LINGO1: variants seen among roughly 807,000 people sequenced by gnomAD.
LINGO1 encodes the protein leucine-rich repeat and immunoglobulin-like domain-containing nogo receptor-interacting protein 1.
A neutral mutation model predicts 37.3 loss-of-function variants in LINGO1; 11 were observed. That is an observed-to-expected ratio of 0.29 (90% CI 0.19 to 0.49). The LOEUF (loss-of-function observed/expected upper bound fraction) is 0.49. Among genes scored for constraint, LINGO1 ranks in the 20% least tolerant of loss-of-function variants. LINGO1 has a pLI of 0.99. For synonymous variants in LINGO1, 387 were observed against 403.0 expected, an observed-to-expected ratio of 0.96 and a Z score of 0.48; for missense variants, 585 against 878.2, an observed-to-expected ratio of 0.67 and a Z score of 4.22.
chr15:77,704,227 T>C (rs370136805), intron 2 of LINGO1, among the ~76,000 whole-genome samples: 28 of 152,250 alleles, frequency 1.8e-4, no homozygotes, highest in African/African-American at 6.3e-4. Flanking sequence ...TCTTGAGCAC[T>C]TGACTAACAG....
chr15:77,634,392 A>G (rs538581831), upstream of LINGO1: 16 of 454,490 alleles, frequency 3.5e-5, no homozygotes, highest in East Asian at 9.7e-4. Context: ...CCCATCCTCA[A>G]CCTAGGCCTA....
intron 1 of LINGO1, among the ~76,000 whole-genome samples, chr15:77,768,411 G>A (rs765835363): frequency 3.9e-5 from 6 of 152,246 alleles, no homozygotes; most frequent in East Asian, 1.9e-4. Flanking sequence ...TGCCTCCTGC[G>A]TCCCAGGCAC....
Position 77,724,413 on chromosome 15 carries a change from A to G in LINGO1, c.-195+10579T>C, listed in dbSNP as rs1380676411. Among the ~76,000 whole-genome samples the G allele has an allele frequency of 3.9e-5, 6 of 152,216 alleles. No homozygotes were observed. The East Asian group carries it at 1.2e-3, about 29-fold the overall frequency. On this transcript the variant is annotated intron_variant, in intron 2 of 3. Transcript: ENST00000561686. ...TGCTGATCTGCAAACGCGGGGACTTATCAGGTCTGTGGGCCCTTTACCGCT... is the reference window on the plus strand; with the variant it reads ...TGCTGATCTGCAAACGCGGGGACTTGTCAGGTCTGTGGGCCCTTTACCGCT...
intron 1 of LINGO1, among the ~76,000 whole-genome samples, chr15:77,777,206 C>A (rs1232028705): frequency 6.6e-6 from 1 of 152,104 alleles, no homozygotes; most frequent in African/African-American, 2.4e-5. Flanking sequence ...ATTTATGGTG[C>A]GGTCAACCAG....
chr15:77,816,514 A>T (rs1007251159), intron 1 of LINGO1, among the ~76,000 whole-genome samples: 4 of 152,150 alleles, frequency 2.6e-5, no homozygotes, highest in African/African-American at 9.7e-5. Context: ...GTTTGTTAGA[A>T]TATCTTTACA....
chr15:77,760,914 A>ATTT (rs2076469492), intron 1 of LINGO1, among the ~76,000 whole-genome samples: 1 of 105,676 alleles, frequency 9.5e-6, no homozygotes, highest in African/African-American at 4.3e-5. Context: ...GTTAATAAGT[A>ATTT]TCTTTTTTTT....
chr15:77,679,710 T>C (rs145729965), intron 2 of LINGO1, among the ~76,000 whole-genome samples: 32 of 152,332 alleles, frequency 2.1e-4, no homozygotes, highest in African/African-American at 7.0e-4. Flanking sequence ...GGCCAAGCCC[T>C]AAATGCAACA....
intron 1 of LINGO1, among the ~76,000 whole-genome samples, chr15:77,631,488 C>G (rs542040416): frequency 1.5e-4 from 23 of 152,226 alleles, no homozygotes; most frequent in Non-Finnish European, 2.4e-4. Flanking sequence ...GGCCCCACCC[C>G]TCCTTCTCAA....
At chr15:77,627,972 C>T (rs2074143856) in intron 1 of LINGO1, among the ~76,000 whole-genome samples, 1 of 152,208 alleles carries the variant, frequency 6.6e-6, no homozygotes, top group Admixed American at 6.5e-5. Flanking sequence ...ATACCAGAAA[C>T]CTTGAATTCC....
chr15:77,810,346 G>GCACACACA (rs138640024), intron 1 of LINGO1, among the ~76,000 whole-genome samples: 1,662 of 148,954 alleles, frequency 0.011, 28 homozygotes, highest in African/African-American at 0.037. Flanking sequence ...ACACACACAT[G>GCACACACA]CACACACACA....
intron 1 of LINGO1, among the ~76,000 whole-genome samples, chr15:77,776,518 AAGGGAGGAAGGGAGGG>A (rs2076650828): frequency 1.8e-4 from 9 of 49,574 alleles, no homozygotes; most frequent in South Asian, 1.7e-3. Context: ...GGAAGGCAGG[AAGGGAGGAAGGGAGGG>A]AGGGAGGGAG....
intron 1 of LINGO1, among the ~76,000 whole-genome samples, chr15:77,807,511 T>C (rs1037256067): frequency 2.0e-5 from 3 of 152,150 alleles, no homozygotes; most frequent in African/African-American, 7.2e-5. Context: ...GATGGACATA[T>C]AATCACTCTG....
chr15:77,741,919 G>A (rs2141349872), intron 1 of LINGO1, among the ~76,000 whole-genome samples: 1 of 152,316 alleles, frequency 6.6e-6, no homozygotes, highest in East Asian at 1.9e-4. Flanking sequence ...GGGCCAAGAG[G>A]AATCCTTGGT....
At chr15:77,810,184 GCT>G (rs774720857) in intron 1 of LINGO1, among the ~76,000 whole-genome samples, 61 of 151,880 alleles carry the variant, frequency 4.0e-4, no homozygotes, top group Non-Finnish European at 7.5e-4. Flanking sequence ...AACCTGCACA[GCT>G]CTTCTCCTCT....
chr15:77,763,382 A>ACCATCC (rs2076496885), intron 1 of LINGO1, among the ~76,000 whole-genome samples: 1 of 151,958 alleles, frequency 6.6e-6, no homozygotes, highest in African/African-American at 2.4e-5. Context: ...GACTCTGGGG[A>ACCATCC]CCCAGTACCT....
intron 1 of LINGO1, chr15:77,796,064 AAAG>A (rs2076870113): frequency 6.6e-6 from 1 of 152,352 alleles, no homozygotes. Context: ...CTGTGGGGAG[AAAG>A]AAGAGGTGGC....
intron 3 of LINGO1, among the ~76,000 whole-genome samples, chr15:77,668,731 C>T (rs1370896747): frequency 6.6e-6 from 1 of 151,060 alleles, no homozygotes; most frequent in Non-Finnish European, 1.5e-5. Flanking sequence ...ATACATTGTA[C>T]GGTATTCAAC....
At chr15:77,738,411 G>A (rs12324626) in intron 1 of LINGO1, among the ~76,000 whole-genome samples, 18,421 of 151,966 alleles carry the variant, frequency 0.12, 1,626 homozygotes, top group African/African-American at 0.25. Flanking sequence ...CTTCCCACAC[G>A]GGCCAGTCTC....
intron 2 of LINGO1, among the ~76,000 whole-genome samples, chr15:77,707,979 A>G (rs4886521): frequency 0.47 from 70,842 of 152,104 alleles, 17,000 homozygotes; most frequent in Admixed American, 0.59. Context: ...CAAACCAGCC[A>G]GCGGGGAACC....
Sources: allele counts gnomAD v4.1 joint callset (sites outside exome capture counted in the v4.1 genomes callset), GRCh38; gene constraint gnomAD v4.1.1; transcripts MANE v1.5; gene names NCBI Gene and HGNC (gene_info 2026-07-23, HGNC 2026-07-21).